The following BCAS3 variants were observed in gnomAD, a reference collection of about 807,000 sequenced individuals.
BCAS3 encodes BCAS4/BCAS3 fusion.
Under a neutral mutation model 116.1 loss-of-function variants are expected in BCAS3, and 53 were observed. That is an observed-to-expected ratio of 0.46 (90% CI 0.37 to 0.57). The LOEUF is 0.57. BCAS3 is among the 20% of genes least tolerant of loss of function. BCAS3 has a pLI of 0.00. For missense variants in BCAS3, 917 were observed against 1,165.4 expected (o/e 0.79, Z 3.10); for synonymous variants, 391 against 408.2 (o/e 0.96, Z 0.51).
chr17:61,108,973 G>A (rs1484153181), intron 22 of BCAS3, among the ~76,000 whole-genome samples: 1 of 152,052 alleles, frequency 6.6e-6, no homozygotes, highest in Non-Finnish European at 1.5e-5. Context: ...GGATCACGAG[G>A]TCAAGAGATC....
chr17:60,874,472 G>A (rs1882663299), intron 8 of BCAS3, among the ~76,000 whole-genome samples, 190 bp from the exon 9 acceptor site: 1 of 152,072 alleles, frequency 6.6e-6, no homozygotes, highest in African/African-American at 2.4e-5. Context: ...ATAGGATTTT[G>A]TGGTTTATAT....
Position 61,243,152 on chromosome 17 carries a change from C to T in BCAS3, c.2426-125175C>T, listed in dbSNP as rs564060654. ...GCCTCCATCTCCTGACCTCGTGATC[C>T]GCCCGCCACGGCCTCCCAAAGTGCT... On this transcript the variant is annotated intron_variant, in intron 22 of 23. Coordinates refer to ENST00000407086, the MANE Select transcript of BCAS3 (RefSeq NM_017679.5). The surrounding 1 kb of genome is among the most constrained non-coding windows in gnomAD (Gnocchi z 5.6). Among the ~76,000 whole-genome samples, 11 of 152,084 alleles carry T rather than the reference C, an allele frequency of 7.2e-5. No individual in the cohort carries two copies. The highest frequency in any genetic ancestry group is 1.9e-4 in the East Asian group (1 of 5,186).
chr17:60,893,600 CTTTTTTTTTTT>C (rs930873750), intron 10 of BCAS3, among the ~76,000 whole-genome samples: 1 of 82,054 alleles, frequency 1.2e-5, no homozygotes, highest in Admixed American at 1.4e-4. Flanking sequence ...GACCTATGAT[CTTTTTTTTTTT>C]TTTTTTTTTT....
At position 61,181,518 on chromosome 17, in the gene BCAS3, A is replaced by G. The variant is rs1430908699; in HGVS notation, c.2425+96954A>G. Reference sequence around the variant, plus strand: ...AGTAACCCAGCCAAAGAGCTTGACTATTTTAATCATTTCCCTTTGATAGTC... The same window carrying G: ...AGTAACCCAGCCAAAGAGCTTGACTGTTTTAATCATTTCCCTTTGATAGTC... On this transcript the variant is annotated intron_variant, in intron 22 of 23. Transcript: ENST00000407086. This position sits in a 1 kb window ranked among gnomAD's most constrained non-coding sequence, Gnocchi z 5.0. Among the ~76,000 whole-genome samples, 1 of 152,194 alleles carries G rather than the reference A, an allele frequency of 6.6e-6. No homozygotes were observed.
intron 20 of BCAS3, 77 bp downstream of exon 20, chr17:61,075,097 TA>T: frequency 1.7e-6 from 2 of 1,153,290 alleles, no homozygotes; most frequent in Non-Finnish European, 2.5e-6. Context: ...TCCTTAGAGG[TA>T]AAAGGGGAGA....
chr17:61,027,112 A>G (rs1465700988), intron 16 of BCAS3, among the ~76,000 whole-genome samples: 2 of 150,156 alleles, frequency 1.3e-5, no homozygotes, highest in East Asian at 3.9e-4. Context: ...TTCTTTAAAA[A>G]GTAAAAAACA....
At position 60,967,206 on chromosome 17, in the gene BCAS3, C is replaced by T. The variant is rs1309074794; in HGVS notation, c.1221+19854C>T. Among the ~76,000 whole-genome samples, 4 of 152,080 alleles carry T rather than the reference C, an allele frequency of 2.6e-5. No individual in the cohort carries two copies. The highest frequency in any genetic ancestry group is 2.1e-4 in the South Asian group (1 of 4,824). On this transcript the variant is annotated intron_variant, in intron 14 of 23. Coordinates refer to ENST00000407086, the MANE Select transcript of BCAS3 (RefSeq NM_017679.5). This position sits in a 1 kb window ranked among gnomAD's most constrained non-coding sequence, Gnocchi z 4.7. ...TTCTTGGTTCAGATTGAATTATTCTCGTTAGCATTTCTTGTTAGGTGGGTC... is the reference window on the plus strand; with the variant it reads ...TTCTTGGTTCAGATTGAATTATTCTTGTTAGCATTTCTTGTTAGGTGGGTC...
intron 6 of BCAS3, among the ~76,000 whole-genome samples, chr17:60,793,099 A>G (rs889097072): frequency 6.6e-6 from 1 of 151,676 alleles, no homozygotes; most frequent in Non-Finnish European, 1.5e-5. Flanking sequence ...TTAAATTTTT[A>G]ATTAATTAAT....
At chr17:61,079,366 A>G (rs1161443170) in intron 21 of BCAS3, among the ~76,000 whole-genome samples, 1 of 152,206 alleles carries the variant, frequency 6.6e-6, no homozygotes, top group Non-Finnish European at 1.5e-5. Flanking sequence ...TTTGTCAGTA[A>G]CAATAAAAAA....
chr17:61,026,759 T>C lies in BCAS3; in HGVS notation c.1638-7907T>C. Reference sequence around the variant, plus strand: ...GAATTGTAAATGATTACTAATTTTTTAGTTATTTTTATCCATACTCTATAA... The same window carrying C: ...GAATTGTAAATGATTACTAATTTTTCAGTTATTTTTATCCATACTCTATAA... On this transcript the variant is annotated intron_variant, in intron 16 of 23. Transcript: ENST00000407086. The surrounding 1 kb of genome is among the most constrained non-coding windows in gnomAD (Gnocchi z 5.0). The C allele has an allele frequency of 2.0e-6, 2 of 1,022,914 alleles. No individual in the cohort carries two copies. The highest frequency in any genetic ancestry group is 1.6e-5 in the African/African-American group (1 of 62,142). The allele number at this position is 1,022,914 out of a possible 1,614,324, so 63.4% of individuals were successfully genotyped here. A position where few individuals can be genotyped will look rare whatever the true frequency, so the allele number is the denominator to read the frequency against.
At chr17:60,829,437 T>C (rs1020353162) in intron 7 of BCAS3, among the ~76,000 whole-genome samples, 5 of 149,564 alleles carry the variant, frequency 3.3e-5, no homozygotes, top group Non-Finnish European at 5.9e-5. Flanking sequence ...GAGGTTACAG[T>C]GAGCTGAGAT....
chr17:61,317,990 G>A (rs972919139), intron 22 of BCAS3, among the ~76,000 whole-genome samples: 1 of 152,200 alleles, frequency 6.6e-6, no homozygotes, highest in South Asian at 2.1e-4. Flanking sequence ...TCTGGCAGGC[G>A]TAACGCGTAG....
rs1603101638 is a variant in BCAS3 at position 61,368,255 on chromosome 17, T to G, written c.2426-72T>G. 2 of 1,472,444 alleles carry G rather than the reference T, an allele frequency of 1.4e-6. No homozygotes were observed. The highest frequency in any genetic ancestry group is 2.3e-5 in the East Asian group (1 of 43,450). 91.2% of individuals were successfully genotyped at this position (1,472,444 alleles called of 1,614,324 possible). A position where few individuals can be genotyped will look rare whatever the true frequency, so the allele number is the denominator to read the frequency against. ...GACCCTGGGTATGGAGAGGAGCGGG[T>G]GGGAGGTAGACAAGAATGGCCTGCT... On this transcript the variant is annotated intron_variant, in intron 22 of 23. Coordinates refer to ENST00000407086, the MANE Select transcript of BCAS3 (RefSeq NM_017679.5). This position sits in a 1 kb window ranked among gnomAD's most constrained non-coding sequence, Gnocchi z 6.0.
chr17:61,185,122 C>T (rs902549340), intron 22 of BCAS3, among the ~76,000 whole-genome samples: 3 of 151,672 alleles, frequency 2.0e-5, no homozygotes, highest in Non-Finnish European at 2.9e-5. Flanking sequence ...CTGGTTAAAA[C>T]AACAGTGACA....
rs1381482718 is a variant in BCAS3, at chr17:60,964,458, A to T, written c.1221+17106A>T. On this transcript the variant is annotated intron_variant, in intron 14 of 23. Transcript: ENST00000407086. This position sits in a 1 kb window ranked among gnomAD's most constrained non-coding sequence, Gnocchi z 4.6. ...TGCTAGTATTTTGTTGAGGATTTTC[A>T]CATATATGTTCATCACGGATATTGG... Among the ~76,000 whole-genome samples the T allele has an allele frequency of 6.6e-6, 1 of 152,026 alleles. No individual in the cohort carries two copies. The highest frequency in any genetic ancestry group is 2.4e-5 in the African/African-American group (1 of 41,406).
rs547895721 is a variant in BCAS3, at chr17:61,280,977, T to A, written c.2426-87350T>A. Among the ~76,000 whole-genome samples, 6 of 152,276 alleles carry A rather than the reference T, an allele frequency of 3.9e-5. No homozygotes were observed. In the South Asian group the frequency reaches 1.2e-3, roughly 32 times the overall value. Reference sequence around the variant, plus strand: ...CATACTATGTGGTTTAAAAAGAAAATCAGGCACAAAATGGTATAAAAAGAG... The same window carrying A: ...CATACTATGTGGTTTAAAAAGAAAAACAGGCACAAAATGGTATAAAAAGAG... On this transcript the variant is annotated intron_variant, in intron 22 of 23. Transcript: ENST00000407086.
rs1375532822 is a variant in BCAS3 at position 60,860,354 on chromosome 17, T to G, written c.477-8222T>G. On this transcript the variant is annotated intron_variant, in intron 7 of 23. Coordinates refer to ENST00000407086, the MANE Select transcript of BCAS3 (RefSeq NM_017679.5). ...CCATTTTTTAAATGGGGTTATTTCT[T>G]GCTTGTTGACTTATAGATTCTGTAT... Among the ~76,000 whole-genome samples, 3 of 152,274 alleles carry G rather than the reference T, an allele frequency of 2.0e-5. No individual in the cohort carries two copies. The East Asian group carries it at 5.8e-4, about 29-fold the overall frequency.
At chr17:60,928,907 C>T (rs1300730555) in intron 13 of BCAS3, among the ~76,000 whole-genome samples, 1 of 152,158 alleles carries the variant, frequency 6.6e-6, no homozygotes, top group African/African-American at 2.4e-5. Context: ...CATACATATA[C>T]ACACACATAC....
Position 60,951,731 on chromosome 17 carries a change from T to G in BCAS3, c.1221+4379T>G, listed in dbSNP as rs372368064. Among the ~76,000 whole-genome samples the G allele has an allele frequency of 2.0e-4, 31 of 151,782 alleles. No individual in the cohort carries two copies. In the East Asian group the frequency reaches 2.5e-3, roughly 12 times the overall value. On this transcript the variant is annotated intron_variant, in intron 14 of 23. Transcript: ENST00000407086. The stretch of plus-strand genomic sequence containing the variant: ...ATATCTAGGGGAAAATCCAATTTAC[T>G]GATTGATAGGGTCTTGGCATTTTCT...
Sources: allele counts gnomAD v4.1 joint callset (sites outside exome capture counted in the v4.1 genomes callset), GRCh38; gene constraint gnomAD v4.1.1; non-coding constraint Gnocchi (gnomAD v3.1); transcripts MANE v1.5; gene names NCBI Gene and HGNC (gene_info 2026-07-23, HGNC 2026-07-21).